The following GCKR variants were observed in gnomAD, a reference collection of about 807,000 sequenced individuals.
The protein encoded by GCKR is glucokinase regulator, also known as glucokinase regulatory protein.
GCKR carries 73 observed loss-of-function variants against 82.9 expected under a neutral mutation model. The ratio of observed to expected loss-of-function variants is 0.88; its 90% confidence interval spans 0.73 to 1.07. The LOEUF is 1.07. Among genes scored for constraint, GCKR ranks in the 50% least tolerant of loss-of-function variants. The pLI, the probability that GCKR is intolerant of heterozygous loss-of-function variation, is 0.00. For synonymous variants in GCKR, 294 were observed against 291.8 expected, an observed-to-expected ratio of 1.01 and a Z score of -0.08; for missense variants, 784 against 782.1, an observed-to-expected ratio of 1.00 and a Z score of -0.03.
chr2:27,499,351 C>G, intron 6 of GCKR, 46 bp from the exon 7 acceptor site: 1 of 1,502,080 alleles, frequency 6.7e-7, no homozygotes, highest in Non-Finnish European at 9.3e-7. Flanking sequence ...GATTTGTGCC[C>G]TGGAATCCTC....
rs72281151 is a variant in GCKR, at chr2:27,504,358, C to CT, written c.750+755dup. ...TTCAATCTTCTTTTCTCAGTCACTA[C>CT]TTTTTTTTTTTTTTTTGAGACGAAA... is the stretch of plus-strand genomic sequence containing the variant. On this transcript the variant is annotated intron_variant, in intron 9 of 18. Transcript: ENST00000264717. 9.8e-3 allele frequency among the ~76,000 whole-genome samples: 1,394 copies of CT among 141,576 alleles called. 13 individuals are homozygous for CT. Among genetic ancestry groups the CT allele is most frequent in the East Asian group, 0.024 (119 of 4,924 alleles). 92.9% of individuals were successfully genotyped at this position (141,576 alleles called of 152,430 possible).
chr2:27,501,144 G>C lies in GCKR; in HGVS notation c.559G>C (p.Val187Leu). 2 of 1,612,798 alleles carry C rather than the reference G, an allele frequency of 1.2e-6. No individual in the cohort carries two copies. The highest frequency in any genetic ancestry group is 2.2e-5 in the South Asian group (2 of 91,062). ...GISVGLSAPF[V>L]AGQMDCCMNN... is the part of the protein sequence containing the mutation. ...CTCTCTTCACCATCAGGCTCCCTTT[G>C]TGGCAGGCCAGATGGACTGCTGCAT... The change falls in exon 8 of 19, where the codon GTG becomes CTG. Residue 187 changes from valine (V) to leucine (L), a missense_variant. Val to Leu is a conservative substitution (Grantham distance 32). Transcript: ENST00000264717.
intron 8 of GCKR, among the ~76,000 whole-genome samples, chr2:27,502,581 T>A (rs950695535): frequency 6.6e-6 from 1 of 152,032 alleles, no homozygotes; most frequent in Non-Finnish European, 1.5e-5. Context: ...AACCATACGA[T>A]ATGAACCCTC....
intron 17 of GCKR, among the ~76,000 whole-genome samples, chr2:27,521,866 G>GC (rs1670161810): frequency 6.6e-6 from 1 of 152,048 alleles, no homozygotes; most frequent in Non-Finnish European, 1.5e-5. Flanking sequence ...GGGACGATAG[G>GC]CAGGTGCCAC....
In GCKR at chr2:27,497,576, A is replaced by G. The variant is rs762295023; in HGVS notation, c.231A>G (p.Glu77=). The G allele has an allele frequency of 3.1e-6, 5 of 1,612,670 alleles. No homozygotes were observed. Among genetic ancestry groups the G allele is most frequent in the Non-Finnish European group, 4.2e-6 (5 of 1,178,802 alleles). Residue 77 remains glutamate (E), a synonymous_variant, in exon 3 of 19, where the codon GAA becomes GAG. Coordinates refer to ENST00000264717, the MANE Select transcript of GCKR (RefSeq NM_001486.4). ...ALSTYQRLYS[E]SILTTMVQVA... is the part of the protein sequence containing the mutation. ...ATTCCCTACAGAGACTCTACAGCGAATCCATTCTGACCACCATGGTACAGG... is the reference window on the plus strand; with the variant it reads ...ATTCCCTACAGAGACTCTACAGCGAGTCCATTCTGACCACCATGGTACAGG...
At chr2:27,506,613 G>T in intron 11 of GCKR, 34 bp downstream of exon 11, 2 of 1,420,478 alleles carry the variant, frequency 1.4e-6, no homozygotes, top group Non-Finnish European at 2.0e-6. Context: ...TGAGGATGTG[G>T]CCCGGATGGA....
intron 16 of GCKR, among the ~76,000 whole-genome samples, chr2:27,513,391 G>A (rs749557342): frequency 6.6e-6 from 1 of 152,046 alleles, no homozygotes; most frequent in Non-Finnish European, 1.5e-5. Context: ...TTAGCCGGGT[G>A]TGGTGGTGTG....
At chr2:27,507,488 A>G (rs1178299693) in intron 13 of GCKR, 177 bp downstream of exon 13, 1 of 687,370 alleles carries the variant, frequency 1.5e-6, no homozygotes, top group Non-Finnish European at 2.6e-6. Flanking sequence ...AAAGCTCTAG[A>G]TCCAGTCCCC....
At position 27,518,830 on chromosome 2, in the gene GCKR, G is replaced by C. The variant is rs752882675; in HGVS notation, c.1465G>C (p.Val489Leu). The C allele has an allele frequency of 1.4e-5, 23 of 1,611,886 alleles. No individual in the cohort carries two copies. In the Admixed American group the frequency reaches 1.8e-4, roughly 13 times the overall value. Residue 489 changes from valine to leucine, a missense_variant, in exon 17 of 19, where the codon GTG (valine) becomes CTG (leucine). By Grantham distance (32) the Val-to-Leu change is conservative. Transcript: ENST00000264717. ...AAGCACCAAATGGGTGCTGAATACA[G>C]TGAGTACAGGTGCTCATGTGCTTCT... ...ELSTKWVLNTVSTGAHVLLGK... is the reference protein window; with the variant it reads ...ELSTKWVLNTLSTGAHVLLGK...
intron 17 of GCKR, among the ~76,000 whole-genome samples, chr2:27,520,917 G>A (rs928866631): frequency 6.6e-6 from 1 of 152,086 alleles, no homozygotes; most frequent in African/African-American, 2.4e-5. Context: ...GTTGGCACAG[G>A]CCTATAGTCC....
Position 27,507,266 on chromosome 2 carries a change from T to C in GCKR, c.1098T>C (p.Gly366=). 6.2e-7 allele frequency: 1 copy of C among 1,612,970 alleles called. No individual in the cohort carries two copies. ...GAGATGTCCGTGGCTTTCTCATTGG[T>C]GATCACAGTGACATGTTTAACCAGA... The part of the protein sequence containing the change: ...DFRDVRGFLI[G]DHSDMFNQKA... Residue 366 remains glycine, a synonymous_variant, in exon 13 of 19, where the codon GGT becomes GGC. Transcript: ENST00000264717.
chr2:27,503,660 A>G (rs775784856), intron 9 of GCKR, 41 bp downstream of exon 9: 28 of 1,007,634 alleles, frequency 2.8e-5, no homozygotes, highest in Non-Finnish European at 4.5e-5. Context: ...CCCCTCCAAC[A>G]CCTGGGAACT....
In GCKR at chr2:27,519,080, T is replaced by C; in HGVS notation, c.1572+143T>C. The C allele has an allele frequency of 1.8e-5, 13 of 705,900 alleles. 1 individual carries two copies. The South Asian group carries it at 2.2e-4, about 12-fold the overall frequency. 43.7% of individuals were successfully genotyped at this position (705,900 alleles called of 1,614,324 possible). On this transcript the variant is annotated intron_variant, in intron 17 of 18. Transcript: ENST00000264717. ...GCTTCTGCTCCTCCTATTAGGTGCATCTTCCCCTTAAGGAGTGTGTGTGCA... is the reference window on the plus strand; with the variant it reads ...GCTTCTGCTCCTCCTATTAGGTGCACCTTCCCCTTAAGGAGTGTGTGTGCA...
chr2:27,506,897 GTCCAGATGTTCT>G lies in GCKR; in HGVS notation c.1066+16_1066+27del. ...CACCTTTGGTGCTGGTGGGACCCCA[GTCCAGATGTTCT>G]TCCTGCTTCCTCCTGATCCCAACCA... On this transcript the variant is annotated intron_variant, in intron 12 of 18. Transcript: ENST00000264717. The G allele has an allele frequency of 6.6e-7, 1 of 1,524,716 alleles. No individual in the cohort carries two copies. Among genetic ancestry groups the G allele is most frequent in the Non-Finnish European group, 9.1e-7 (1 of 1,098,370 alleles). 94.4% of individuals were successfully genotyped at this position (1,524,716 alleles called of 1,614,324 possible).
At chr2:27,500,328 G>A (rs1397791565) in intron 7 of GCKR, among the ~76,000 whole-genome samples, 2 of 152,138 alleles carry the variant, frequency 1.3e-5, no homozygotes, top group East Asian at 3.9e-4. Context: ...TCACCGACAT[G>A]AGGAATGCCA....
intron 16 of GCKR, among the ~76,000 whole-genome samples, chr2:27,512,004 G>C (rs920811354): frequency 6.6e-6 from 1 of 152,062 alleles, no homozygotes; most frequent in Non-Finnish European, 1.5e-5. Flanking sequence ...ACTTTGGGAG[G>C]CCAAGGCAGG....
At position 27,506,933 on chromosome 2, in the gene GCKR, C is replaced by T. The variant is rs1420963981; in HGVS notation, c.1066+48C>T. The T allele has an allele frequency of 2.4e-6, 3 of 1,226,174 alleles. 1 individual carries two copies. The South Asian group carries it at 3.6e-5, about 15-fold the overall frequency. 76.0% of individuals were successfully genotyped at this position (1,226,174 alleles called of 1,614,324 possible). A position where few individuals can be genotyped will look rare whatever the true frequency, so the allele number is the denominator to read the frequency against. On this transcript the variant is annotated intron_variant, in intron 12 of 18. Coordinates refer to ENST00000264717, the MANE Select transcript of GCKR (RefSeq NM_001486.4). ...CTTCCTGCTTCCTCCTGATCCCAAC[C>T]ATTCGGGCTGCTCTCCAAACACTGT...
intron 18 of GCKR, 47 bp from the exon 19 acceptor site, chr2:27,523,222 T>C (rs1205492291): frequency 6.4e-7 from 1 of 1,552,394 alleles, no homozygotes; most frequent in Non-Finnish European, 8.9e-7. Flanking sequence ...CTTTCTCTGA[T>C]GACCTCATTC....
chr2:27,515,745 G>A (rs887002247), intron 16 of GCKR, among the ~76,000 whole-genome samples: 1 of 129,446 alleles, frequency 7.7e-6, no homozygotes, highest in African/African-American at 2.9e-5. Flanking sequence ...CCAATTGTTC[G>A]TATATATATA....
Sources: allele counts gnomAD v4.1 joint callset (sites outside exome capture counted in the v4.1 genomes callset), GRCh38; gene constraint gnomAD v4.1.1; transcripts MANE v1.5; gene names NCBI Gene and HGNC (gene_info 2026-07-23, HGNC 2026-07-21).